The following SLC5A11 variants were observed in gnomAD, a reference collection of about 807,000 sequenced individuals.
The protein encoded by SLC5A11 is solute carrier family 5 member 11, also known as sodium/myo-inositol cotransporter 2.
In SLC5A11, 48 loss-of-function variants were observed where a neutral mutation model predicts 69.8. The ratio of observed to expected loss-of-function variants is 0.69; its 90% CI spans 0.55 to 0.87. SLC5A11 has a LOEUF of 0.87. Among genes scored for constraint, SLC5A11 ranks in the 40% least tolerant of loss-of-function variants. The pLI is 0.00. For missense variants in SLC5A11, 784 were observed against 866.1 expected, an observed-to-expected ratio of 0.91 and a Z score of 1.19; for synonymous variants, 319 against 342.4, an observed-to-expected ratio of 0.93 and a Z score of 0.75.
intron 10 of SLC5A11, among the ~76,000 whole-genome samples, chr16:24,903,374 G>A (rs532370958): frequency 5.3e-5 from 8 of 151,902 alleles, no homozygotes; most frequent in Non-Finnish European, 1.0e-4. Flanking sequence ...ATCCACTCTC[G>A]ACTATTTGAA....
chr16:24,908,649 T>C, intron 13 of SLC5A11, among the ~76,000 whole-genome samples: 1 of 149,880 alleles, frequency 6.7e-6, no homozygotes, highest in East Asian at 1.9e-4. Flanking sequence ...AGTATCTTGA[T>C]GCATTTTTTG....
Position 24,883,856 on chromosome 16 carries a change from C to T in SLC5A11, c.584-195C>T, listed in dbSNP as rs76259284. On this transcript the variant is annotated intron_variant, in intron 7 of 15. Transcript: ENST00000347898. Reference sequence around the variant, plus strand: ...AGAAGCGGAGAAATCAACTTCACCTCAACGTGAAAGGAGCAGCAAAGTCAC... The same window carrying T: ...AGAAGCGGAGAAATCAACTTCACCTTAACGTGAAAGGAGCAGCAAAGTCAC... Among the ~76,000 whole-genome samples the T allele has an allele frequency of 6.2e-3, 947 of 152,356 alleles. 5 individuals carry two copies. Among genetic ancestry groups the T allele is most frequent in the Middle Eastern group, 0.01 (3 of 294 alleles).
intron 1 of SLC5A11, among the ~76,000 whole-genome samples, chr16:24,850,978 T>A (rs2059277760): frequency 1.3e-5 from 2 of 151,532 alleles, no homozygotes; most frequent in African/African-American, 4.8e-5. Context: ...GCCCTGCTAA[T>A]TTTTGTATTT....
chr16:24,859,748 T>C (rs1292723441), intron 2 of SLC5A11, among the ~76,000 whole-genome samples: 2 of 152,234 alleles, frequency 1.3e-5, no homozygotes, highest in African/African-American at 4.8e-5. Flanking sequence ...TTCTTAAAAG[T>C]TGCATAATAT....
chr16:24,858,420 A>G (rs1165147543), intron 1 of SLC5A11, among the ~76,000 whole-genome samples, 200 bp from the exon 3 acceptor site: 1 of 147,184 alleles, frequency 6.8e-6, no homozygotes, highest in Non-Finnish European at 1.5e-5. Flanking sequence ...CTTCATTATG[A>G]ATATGTGTTG....
chr16:24,908,236 G>A, intron 13 of SLC5A11, 105 bp downstream of exon 14: 1 of 1,296,386 alleles, frequency 7.7e-7, no homozygotes, highest in Admixed American at 2.4e-5. Flanking sequence ...GCTGGAATTG[G>A]GTGTTGAGAG....
intron 13 of SLC5A11, among the ~76,000 whole-genome samples, chr16:24,908,595 C>CAA (rs764700253): frequency 0.52 from 36,365 of 70,374 alleles, 9,419 homozygotes; most frequent in Non-Finnish European, 0.57. Flanking sequence ...GAGACTGTCT[C>CAA]AAAAAAAAAA....
intron 10 of SLC5A11, among the ~76,000 whole-genome samples, chr16:24,904,902 G>A (rs7191960): frequency 0.037 from 5,623 of 152,030 alleles, 143 homozygotes; most frequent in African/African-American, 0.068. Context: ...TAAGCTCCAC[G>A]TGCATTAGGT....
At chr16:24,869,842 G>T in intron 3 of SLC5A11, 59 bp from the exon 5 acceptor site, 4 of 1,204,426 alleles carry the variant, frequency 3.3e-6, no homozygotes, top group East Asian at 2.3e-5. Context: ...ATAATTGGGG[G>T]TGGGGAGCAG....
At chr16:24,871,941 C>T (rs996448027) in intron 4 of SLC5A11, among the ~76,000 whole-genome samples, 9 of 152,096 alleles carry the variant, frequency 5.9e-5, no homozygotes, top group Non-Finnish European at 1.2e-4. Flanking sequence ...TAGGAAGCAT[C>T]GCAAAGGCCT....
chr16:24,885,858 C>A (rs766170883), intron 8 of SLC5A11, among the ~76,000 whole-genome samples: 1 of 151,562 alleles, frequency 6.6e-6, no homozygotes, highest in Non-Finnish European at 1.5e-5. Context: ...AAGTAGAGGA[C>A]AAACTGAGGT....
In SLC5A11 at chr16:24,849,593, A is replaced by AATATATAT. The variant is rs1555515955; in HGVS notation, c.-25+3178_-25+3185dup. Among the ~76,000 whole-genome samples, 43 of 35,894 alleles carry AATATATAT rather than the reference A, an allele frequency of 1.2e-3. 2 individuals carry two copies. The highest frequency in any genetic ancestry group is 2.8e-3 in the East Asian group (4 of 1,410). The allele number at this position is 35,894 out of a possible 152,430, so 23.5% of individuals were successfully genotyped here. A position where few individuals can be genotyped will look rare whatever the true frequency, so the allele number is the denominator to read the frequency against. ...GGGGCAAAAAAAAAAAAAAAAAAAA[A>AATATATAT]ATATATATATATATATATATATATA... is the stretch of plus-strand genomic sequence containing the variant. On this transcript the variant is annotated intron_variant, in intron 1 of 15. Coordinates refer to ENST00000347898, the Ensembl canonical transcript of SLC5A11.
At chr16:24,901,929 A>AACACACAC (rs2049628209) in intron 10 of SLC5A11, among the ~76,000 whole-genome samples, 3 of 111,252 alleles carry the variant, frequency 2.7e-5, no homozygotes, top group African/African-American at 1.1e-4. Flanking sequence ...TGGAAAAAAA[A>AACACACAC]ATACACACAC....
At chr16:24,902,462 A>G (rs917390752) in intron 10 of SLC5A11, among the ~76,000 whole-genome samples, 1 of 151,944 alleles carries the variant, frequency 6.6e-6, no homozygotes, top group Non-Finnish European at 1.5e-5. Context: ...TATGCAAATT[A>G]TGCCTGAAGA....
At chr16:24,890,310 C>T (rs1035966071) in intron 8 of SLC5A11, among the ~76,000 whole-genome samples, 1 of 151,420 alleles carries the variant, frequency 6.6e-6, no homozygotes, top group South Asian at 2.1e-4. Flanking sequence ...GTGGTGAAAC[C>T]CCATCTCTAC....
intron 1 of SLC5A11, among the ~76,000 whole-genome samples, chr16:24,854,453 A>G (rs1198843263): frequency 1.3e-5 from 2 of 151,364 alleles, no homozygotes; most frequent in Non-Finnish European, 2.9e-5. Context: ...TTCCGGAGAC[A>G]GAGTCTCACT....
chr16:24,866,955 T>G (rs1410939698), intron 3 of SLC5A11, among the ~76,000 whole-genome samples: 6 of 152,156 alleles, frequency 3.9e-5, no homozygotes, highest in Non-Finnish European at 5.9e-5. Context: ...AATATCTCAT[T>G]TTCAATAATG....
At chr16:24,896,058 T>TG in intron 9 of SLC5A11, among the ~76,000 whole-genome samples, 1 of 84,440 alleles carries the variant, frequency 1.2e-5, no homozygotes, top group South Asian at 2.7e-4. Context: ...ATAAAAAGGC[T>TG]CTTTTTTTTT....
exon 1 of SLC5A11, chr16:24,846,356 C>T (rs370109994): frequency 6.6e-6 from 1 of 152,348 alleles, no homozygotes; most frequent in African/African-American, 2.4e-5. Flanking sequence ...GGGTATCTCC[C>T]TCCTTACAAC....
Sources: gnomAD v4.1 joint callset for allele counts (sites outside exome capture counted in the v4.1 genomes callset) on GRCh38, gnomAD v4.1.1 for gene constraint, MANE v1.5 for transcripts, NCBI Gene and HGNC (gene_info 2026-07-23, HGNC 2026-07-21) for gene names.